RDX: variants seen among roughly 807,000 people sequenced by gnomAD.
RDX encodes radixin, also known as deafness, autosomal recessive 24.
A neutral mutation model predicts 83.7 loss-of-function variants in RDX; 32 were observed. The observed-to-expected ratio is 0.38, with a 90% CI of 0.29 to 0.51. RDX has a LOEUF of 0.51. RDX is among the 20% of genes least tolerant of loss of function. RDX has a pLI of 0.87. For synonymous variants in RDX, 229 were observed against 222.7 expected, an observed-to-expected ratio of 1.03 and a Z score of -0.25; for missense variants, 600 against 689.9, an observed-to-expected ratio of 0.87 and a Z score of 1.46.
intron 5 of RDX, among the ~76,000 whole-genome samples, chr11:110,261,783 C>G (rs1406008406): frequency 6.6e-6 from 1 of 152,164 alleles, no homozygotes; most frequent in Non-Finnish European, 1.5e-5. Flanking sequence ...CACAAGCAAC[C>G]CTATCTAAAG....
intron 15 of RDX, chr11:110,199,530 G>T: frequency 2.9e-6 from 2 of 700,872 alleles, no homozygotes; most frequent in Non-Finnish European, 5.2e-6. Context: ...GGTGTGGCAG[G>T]TCTAGTGGGC....
intron 2 of RDX, among the ~76,000 whole-genome samples, chr11:110,275,260 G>A (rs1007596143): frequency 3.3e-5 from 5 of 152,194 alleles, no homozygotes; most frequent in African/African-American, 4.8e-5. Context: ...GGATTTTGCA[G>A]AAGTACTTAA....
rs1860711780 is a variant in RDX at position 110,280,424 on chromosome 11, T to C, written c.-64-668A>G. Among the ~76,000 whole-genome samples, 4 of 152,230 alleles carry C rather than the reference T, an allele frequency of 2.6e-5. No individual in the cohort carries two copies. In the South Asian group the frequency reaches 8.3e-4, roughly 32 times the overall value. On this transcript the variant is annotated intron_variant, in intron 1 of 13. Coordinates refer to ENST00000645495, the MANE Select transcript of RDX (RefSeq NM_002906.4). ...ATGCCCAGCTAGTTTTTTTATTTTA[T>C]TTTTTTGTAGAGGCAGGGTTGCCCT...
chr11:110,290,173 G>A (rs1188909639), intron 1 of RDX, among the ~76,000 whole-genome samples: 1 of 151,984 alleles, frequency 6.6e-6, no homozygotes, highest in Non-Finnish European at 1.5e-5. Context: ...TCACAGCACA[G>A]AATACTGTGC....
chr11:110,233,272 T>G lies in RDX; in HGVS notation c.1552A>C (p.Thr518Pro). The change falls in exon 13 of 14, where the codon ACA (threonine) becomes CCA (proline). Residue 518 changes from threonine to proline, a missense_variant. By Grantham distance (38) the Thr-to-Pro change is conservative. Coordinates refer to ENST00000645495, the MANE Select transcript of RDX (RefSeq NM_002906.4). ...TTCTTAACACGCTCATTTTTCTGTG[T>G]TTCGGTTACACGTTCTTCCTCGCTT... ...HRSEEERVTE[T>P]QKNERVKKQL... 2 of 1,613,832 alleles carry G rather than the reference T, an allele frequency of 1.2e-6. No individual in the cohort carries two copies. The highest frequency in any genetic ancestry group is 1.1e-5 in the South Asian group (1 of 91,064).
At chr11:110,276,033 GC>G (rs1227096761) in intron 2 of RDX, among the ~76,000 whole-genome samples, 1 of 151,932 alleles carries the variant, frequency 6.6e-6, no homozygotes, top group Non-Finnish European at 1.5e-5. Context: ...TGACCCACCT[GC>G]CTCAGCCTCC....
downstream of RDX, among the ~76,000 whole-genome samples, chr11:110,225,735 TACG>T (rs1202695914): frequency 2.0e-5 from 3 of 152,104 alleles, no homozygotes; most frequent in Admixed American, 6.5e-5. Flanking sequence ...TGGAAAATAT[TACG>T]ACAATTCCTC....
At chr11:110,181,556 G>T (rs901299612) in intron 15 of RDX, among the ~76,000 whole-genome samples, 13 of 152,238 alleles carry the variant, frequency 8.5e-5, no homozygotes, top group Admixed American at 2.0e-4. Flanking sequence ...GTGGACAAGA[G>T]GTCAAGGGGC....
intron 14 of RDX, among the ~76,000 whole-genome samples, chr11:110,206,881 T>C (rs767923207): frequency 1.1e-4 from 17 of 152,238 alleles, no homozygotes; most frequent in East Asian, 3.8e-4. Context: ...TTCCACAGTA[T>C]TGGGTTGGAG....
chr11:110,282,163 C>T (rs1292532506), intron 1 of RDX, among the ~76,000 whole-genome samples: 2 of 152,152 alleles, frequency 1.3e-5, no homozygotes, highest in Non-Finnish European at 2.9e-5. Flanking sequence ...TTTCATAGAA[C>T]AATTTTATTC....
chr11:110,255,473 T>C (rs1859505642), intron 7 of RDX, 88 bp from the exon 8 acceptor site: 2 of 722,222 alleles, frequency 2.8e-6, no homozygotes, highest in Non-Finnish European at 5.0e-6. Flanking sequence ...GAATGACCAA[T>C]CTTAAGAGTT....
chr11:110,250,951 T>C (rs1859311898), intron 9 of RDX, among the ~76,000 whole-genome samples: 1 of 152,138 alleles, frequency 6.6e-6, no homozygotes. Context: ...TGAAACCAGA[T>C]CTTGCTGCTC....
chr11:110,250,723 A>G (rs917399447), intron 9 of RDX, among the ~76,000 whole-genome samples: 3 of 152,210 alleles, frequency 2.0e-5, no homozygotes, highest in African/African-American at 7.2e-5. Flanking sequence ...CTACTGAAAA[A>G]TGGAATAAGT....
chr11:110,224,428 T>C (rs1185555828), intron 14 of RDX, among the ~76,000 whole-genome samples: 1 of 152,144 alleles, frequency 6.6e-6, no homozygotes, highest in Non-Finnish European at 1.5e-5. Context: ...TTTGTGAAGA[T>C]AATGGATCTA....
chr11:110,285,548 T>C (rs1234730807), intron 1 of RDX, among the ~76,000 whole-genome samples: 1 of 151,752 alleles, frequency 6.6e-6, no homozygotes, highest in Non-Finnish European at 1.5e-5. Flanking sequence ...ACCCTGTCTC[T>C]AGTAAAAATA....
intron 14 of RDX, among the ~76,000 whole-genome samples, chr11:110,219,152 T>C (rs557996798): frequency 4.3e-4 from 66 of 152,164 alleles, no homozygotes; most frequent in Non-Finnish European, 8.1e-4. Flanking sequence ...GAGGTGGCAT[T>C]TAAGCAAATT....
chr11:110,253,696 A>G (rs984144495), intron 9 of RDX, among the ~76,000 whole-genome samples: 1 of 152,126 alleles, frequency 6.6e-6, no homozygotes, highest in Admixed American at 6.5e-5. Context: ...ATCTAAAACA[A>G]TGTCTATCAG....
chr11:110,227,099 G>A (rs1160310812), downstream of RDX, among the ~76,000 whole-genome samples: 7 of 152,116 alleles, frequency 4.6e-5, no homozygotes, highest in Non-Finnish European at 8.8e-5. Context: ...AAAGGAAAGT[G>A]AGGGAGGAGA....
chr11:110,233,333 A>G lies in RDX; in HGVS notation c.1491T>C (p.Ser497=), dbSNP rs1412227405. 1 of 1,614,104 alleles carries G rather than the reference A, an allele frequency of 6.2e-7. No homozygotes were observed. The highest frequency in any genetic ancestry group is 1.1e-5 in the South Asian group (1 of 91,080). The change falls in exon 13 of 14, where the codon AGT becomes AGC. Residue 497 remains serine (S), a synonymous_variant. Coordinates refer to ENST00000645495, the MANE Select transcript of RDX (RefSeq NM_002906.4). ...TTACCCCTTCATTTGATAATTCAGC[A>G]CTAGCTTCAGCATTATTCTCATCGT... The part of the protein sequence containing the change: ...DEHDENNAEA[S]AELSNEGVMN...
Sources: gnomAD v4.1 joint callset for allele counts (sites outside exome capture counted in the v4.1 genomes callset) on GRCh38, gnomAD v4.1.1 for gene constraint, MANE v1.5 for transcripts, NCBI Gene and HGNC (gene_info 2026-07-23, HGNC 2026-07-21) for gene names.